GALNT13: variants seen among roughly 807,000 people sequenced by gnomAD.
The protein encoded by GALNT13 is UDP-GalNAc:polypeptide N-acetylgalactosaminyltransferase 13.
GALNT13 carries 28 observed loss-of-function variants against 64.2 expected under a neutral mutation model. That is an observed-to-expected ratio of 0.44 (90% CI 0.32 to 0.60). The LOEUF (loss-of-function observed/expected upper bound fraction) is 0.60. GALNT13 is among the 20% of genes least tolerant of loss of function. GALNT13 has a pLI of 0.05. For synonymous variants in GALNT13, 214 were observed against 224.6 expected, an observed-to-expected ratio of 0.95 and a Z score of 0.42; for missense variants, 577 against 669.8, an observed-to-expected ratio of 0.86 and a Z score of 1.53.
At chr2:153,167,147 T>C in the GALNT13 span, among the ~76,000 whole-genome samples, 4 of 152,252 alleles carry the variant, frequency 2.6e-5, no homozygotes, top group Admixed American at 6.5e-5. Flanking sequence ...ACACAGTCTG[T>C]GGCATGTTGT....
At chr2:153,625,023 A>G in the GALNT13 span, among the ~76,000 whole-genome samples, 1 of 152,090 alleles carries the variant, frequency 6.6e-6, no homozygotes, top group Non-Finnish European at 1.5e-5. Flanking sequence ...GATGTATTTG[A>G]AAGTAGGAAA....
the GALNT13 span, among the ~76,000 whole-genome samples, chr2:153,236,429 G>A: frequency 1.3e-5 from 2 of 152,092 alleles, no homozygotes; most frequent in Non-Finnish European, 2.9e-5. Flanking sequence ...TGGCTTCAAA[G>A]CTTTAAAGGA....
chr2:153,894,001 G>T (rs1687730724), intron 1 of GALNT13, among the ~76,000 whole-genome samples: 1 of 152,068 alleles, frequency 6.6e-6, no homozygotes, highest in African/African-American at 2.4e-5. Flanking sequence ...GGAATGGAGT[G>T]CAGTGAATAA....
the GALNT13 span, among the ~76,000 whole-genome samples, chr2:153,708,616 A>C: frequency 6.6e-6 from 1 of 152,144 alleles, no homozygotes; most frequent in African/African-American, 2.4e-5. Flanking sequence ...GCAGTCTTGA[A>C]ATATTTTGAA....
chr2:154,315,934 A>G (rs576643320), intron 9 of GALNT13, among the ~76,000 whole-genome samples: 1 of 152,226 alleles, frequency 6.6e-6, no homozygotes, highest in East Asian at 1.9e-4. Flanking sequence ...CTAAAAATAC[A>G]AAAATTAGCT....
intron 12 of GALNT13, among the ~76,000 whole-genome samples, chr2:154,440,790 T>C (rs1480054337): frequency 6.6e-6 from 1 of 152,152 alleles, no homozygotes; most frequent in Admixed American, 6.6e-5. Context: ...ATCTAATAAA[T>C]GACATGAGAA....
At chr2:154,157,785 G>T (rs1684507978) in intron 4 of GALNT13, among the ~76,000 whole-genome samples, 1 of 152,050 alleles carries the variant, frequency 6.6e-6, no homozygotes, top group Non-Finnish European at 1.5e-5. Flanking sequence ...GATTGCTATG[G>T]TGCTATATTT....
chr2:153,924,273 C>T (rs1442005427), intron 2 of GALNT13, among the ~76,000 whole-genome samples: 1 of 144,390 alleles, frequency 6.9e-6, no homozygotes. Flanking sequence ...TATGTGTTCT[C>T]ATCCTTCAGC....
chr2:153,336,904 C>T, the GALNT13 span, among the ~76,000 whole-genome samples: 14 of 152,200 alleles, frequency 9.2e-5, no homozygotes, highest in East Asian at 5.8e-4. Flanking sequence ...CAGACTTTCC[C>T]GTGCTATTCT....
intron 3 of GALNT13, among the ~76,000 whole-genome samples, chr2:154,109,804 C>T (rs1037259420): frequency 2.0e-5 from 3 of 151,920 alleles, no homozygotes; most frequent in Non-Finnish European, 4.4e-5. Flanking sequence ...CTTTGCATCC[C>T]ATGGATAAAT....
At chr2:154,012,727 A>G (rs1338149688) in intron 3 of GALNT13, among the ~76,000 whole-genome samples, 1 of 152,108 alleles carries the variant, frequency 6.6e-6, no homozygotes, top group Non-Finnish European at 1.5e-5. Context: ...GTTTCTTCAC[A>G]TAATCTCACA....
chr2:154,387,989 A>G lies in GALNT13; in HGVS notation c.1157-8002A>G, dbSNP rs77484462. Among the ~76,000 whole-genome samples, 17 of 152,260 alleles carry G rather than the reference A, an allele frequency of 1.1e-4. No homozygotes were observed. The East Asian group carries it at 3.3e-3, about 29-fold the overall frequency. On this transcript the variant is annotated intron_variant, in intron 9 of 12. Transcript: ENST00000392825. ...AGTTCTATTTTTAGTTTTACAAGGA[A>G]GCTCCATACCACTTTTATAATGGCT...
At chr2:153,248,165 C>T in the GALNT13 span, among the ~76,000 whole-genome samples, 1 of 152,124 alleles carries the variant, frequency 6.6e-6, no homozygotes, top group African/African-American at 2.4e-5. Flanking sequence ...CCTTCTGAAA[C>T]TATTCCAAAC....
chr2:154,095,622 G>GT (rs931215504), intron 3 of GALNT13, among the ~76,000 whole-genome samples: 35 of 151,700 alleles, frequency 2.3e-4, no homozygotes, highest in Admixed American at 1.8e-3. Context: ...GAAAACAACA[G>GT]TTTTTTTCTT....
At chr2:153,304,362 C>A in the GALNT13 span, among the ~76,000 whole-genome samples, 1 of 151,834 alleles carries the variant, frequency 6.6e-6, no homozygotes, top group South Asian at 2.1e-4. Context: ...ATTGAGGCAA[C>A]AAAGAAATAA....
At chr2:154,294,862 A>G (rs1195143716) in intron 8 of GALNT13, among the ~76,000 whole-genome samples, 1 of 152,222 alleles carries the variant, frequency 6.6e-6, no homozygotes, top group Non-Finnish European at 1.5e-5. Flanking sequence ...CTAGAGTCTT[A>G]TGATCTTCTT....
At chr2:154,227,693 G>A (rs1688695319) in intron 4 of GALNT13, among the ~76,000 whole-genome samples, 1 of 150,634 alleles carries the variant, frequency 6.6e-6, no homozygotes, top group East Asian at 2.0e-4. Context: ...CTATTCCAGG[G>A]TGTTTATGTG....
At chr2:154,339,038 C>T (rs930533981) in intron 9 of GALNT13, among the ~76,000 whole-genome samples, 2 of 152,068 alleles carry the variant, frequency 1.3e-5, no homozygotes, top group East Asian at 1.9e-4. Flanking sequence ...AAAGACAATA[C>T]GGTTGTAAAA....
the GALNT13 span, among the ~76,000 whole-genome samples, chr2:153,333,283 A>C: frequency 3.9e-5 from 6 of 152,218 alleles, no homozygotes; most frequent in Non-Finnish European, 8.8e-5. Context: ...TGGGGAAAAT[A>C]AAGTGCTCTC....
Sources: gnomAD v4.1 joint callset for allele counts (sites outside exome capture counted in the v4.1 genomes callset) on GRCh38, gnomAD v4.1.1 for gene constraint, MANE v1.5 for transcripts, NCBI Gene and HGNC (gene_info 2026-07-23, HGNC 2026-07-21) for gene names.